Variants in C9orf78 observed in about 807,000 individuals in gnomAD.
The protein encoded by C9orf78 is splicing factor C9orf78.
In C9orf78, 19 loss-of-function variants were observed where a neutral mutation model predicts 37.4. The ratio of observed to expected loss-of-function variants is 0.51; its 90% CI spans 0.35 to 0.74. C9orf78 has a LOEUF of 0.74. Ranked by LOEUF, C9orf78 falls within the 30% of genes least tolerant of loss-of-function variation. The pLI, the probability that C9orf78 is intolerant of heterozygous loss-of-function variation, is 0.01. For missense variants in C9orf78, 291 were observed against 370.8 expected, an observed-to-expected ratio of 0.78 and a Z score of 1.77; for synonymous variants, 130 against 128.0, an observed-to-expected ratio of 1.02 and a Z score of -0.10.
intron 4 of C9orf78, among the ~76,000 whole-genome samples, chr9:129,833,017 A>C (rs186220253): frequency 1.3e-5 from 2 of 148,302 alleles, no homozygotes; most frequent in Admixed American, 1.3e-4. Flanking sequence ...GTGTGTGTGT[A>C]TATGTGTATA....
rs758042858 is a variant in C9orf78 at position 129,829,283 on chromosome 9, C to T, written c.700G>A (p.Ala234Thr). The change falls in exon 8 of 9, where the codon GCG becomes ACG. Residue 234 changes from alanine (A) to threonine (T), a missense_variant. By Grantham distance (58) the Ala-to-Thr change is moderately conservative. Around this residue, in one of 3 missense-constraint regions of C9orf78, gnomAD observed 120 missense variants for 148.7 expected, o/e 0.81. Coordinates refer to ENST00000372447, the MANE Select transcript of C9orf78 (RefSeq NM_016520.3). ...HNRFYHEELN[A>T]PIRRNKEEPK... The stretch of plus-strand genomic sequence containing the variant: ...TCTTCTTTGTTTCTCCGTATGGGCG[C>T]GTTGAGCTCCTCATGATAAACTGGA... 60 of 1,608,910 alleles carry T rather than the reference C, an allele frequency of 3.7e-5. No homozygotes were observed. Among genetic ancestry groups the T allele is most frequent in the East Asian group, 3.3e-4 (15 of 44,826 alleles).
intron 4 of C9orf78, 110 bp from the exon 5 acceptor site, chr9:129,832,083 C>T (rs2062800): frequency 0.26 from 156,318 of 605,348 alleles, 20,061 homozygotes; most frequent in South Asian, 0.3. Flanking sequence ...ATCCTATTTA[C>T]AGTTGGCAAA....
At chr9:129,828,535 T>G in intron 8 of C9orf78, 1 of 268,284 alleles carries the variant, frequency 3.7e-6, no homozygotes. Flanking sequence ...GTGATTCTCC[T>G]GCCTCAGCCT....
At chr9:129,834,244 T>G (rs2131017439) in intron 2 of C9orf78, 1 of 179,584 alleles carries the variant, frequency 5.6e-6, no homozygotes, top group East Asian at 1.7e-4. Context: ...ACATAGAAAG[T>G]TGTTCACAAT....
Position 129,835,167 on chromosome 9 carries a change from C to T in C9orf78, c.55G>A (p.Glu19Lys), listed in dbSNP as rs1235973691. 1 of 1,611,448 alleles carries T rather than the reference C, an allele frequency of 6.2e-7. No homozygotes were observed. The highest frequency in any genetic ancestry group is 2.3e-5 in the East Asian group (1 of 44,416). ...RRRRGDSESEEDEQDSEEVRL... is the reference protein window; with the variant it reads ...RRRRGDSESEKDEQDSEEVRL... ...ACCTCCTCTGAGTCCTGCTCATCTTCCTCTGACTCCGAGTCGCCCCGGCGG... is the reference window on the plus strand; with the variant it reads ...ACCTCCTCTGAGTCCTGCTCATCTTTCTCTGACTCCGAGTCGCCCCGGCGG... The change falls in exon 1 of 9, where the codon GAA (glutamate) becomes AAA (lysine). Residue 19 changes from glutamate (E) to lysine (K), a missense_variant. Coordinates refer to ENST00000372447, the MANE Select transcript of C9orf78 (RefSeq NM_016520.3).
At position 129,829,317 on chromosome 9, in the gene C9orf78, G is replaced by A. The variant is rs1007823265; in HGVS notation, c.680-14C>T. 3.1e-6 allele frequency: 5 copies of A among 1,601,930 alleles called. No homozygotes were observed. The African/African-American group carries it at 5.4e-5, about 17-fold the overall frequency. ...CCTCATGATAAACTGGACCCAAAGAGACCAGGGGACACGTTAGAACATGAG... is the reference window on the plus strand; with the variant it reads ...CCTCATGATAAACTGGACCCAAAGAAACCAGGGGACACGTTAGAACATGAG... On this transcript the variant is annotated splice_polypyrimidine_tract_variant and intron_variant, in intron 7 of 8. Coordinates refer to ENST00000372447, the MANE Select transcript of C9orf78 (RefSeq NM_016520.3).
rs2031673311 is a variant in C9orf78, at chr9:129,834,997, T to C, written c.83+142A>G. 2.6e-5 allele frequency: 20 copies of C among 757,384 alleles called. No individual in the cohort carries two copies. In the South Asian group the frequency reaches 2.8e-4, roughly 11 times the overall value. 46.9% of individuals were successfully genotyped at this position (757,384 alleles called of 1,614,324 possible). On this transcript the variant is annotated intron_variant, in intron 1 of 8. Transcript: ENST00000372447. ...GAGCTTGGGGCGGTGGCCTCACCCC[T>C]TGAGCCTCAATTTCTGCGTCCGCAG...
chr9:129,833,356 T>C, intron 4 of C9orf78, 91 bp downstream of exon 4: 1 of 744,274 alleles, frequency 1.3e-6, no homozygotes, highest in Non-Finnish European at 2.4e-6. Flanking sequence ...GTCCTACTAA[T>C]GCTGCTGCTA....
chr9:129,827,363 C>G lies in C9orf78; in HGVS notation c.*798G>C, dbSNP rs1049856102. 10 of 151,444 alleles carry G rather than the reference C, an allele frequency of 6.6e-5. No individual in the cohort carries two copies. The highest frequency in any genetic ancestry group is 2.2e-4 in the African/African-American group (9 of 41,154). The allele number at this position is 151,444 out of a possible 1,614,324, so 9.4% of individuals were successfully genotyped here. A position where few individuals can be genotyped will look rare whatever the true frequency, so the allele number is the denominator to read the frequency against. On this transcript the variant is annotated 3_prime_UTR_variant, in exon 9 of 9. Coordinates refer to ENST00000372447, the MANE Select transcript of C9orf78 (RefSeq NM_016520.3). ...GTTTATGCTTTTTTTTTAATGAAAA[C>G]AAACAAGTAATTTTGTAAAAGTCAG...
intron 8 of C9orf78, 187 bp downstream of exon 8, chr9:129,829,018 G>A (rs2031417207): frequency 1.5e-6 from 1 of 686,086 alleles, no homozygotes; most frequent in Non-Finnish European, 2.7e-6. Context: ...GGTTCTATTA[G>A]GATTCCAATG....
rs1275920507 is a variant in C9orf78, at chr9:129,829,257, CTCT to C, written c.723_725del (p.Glu242del). On this transcript the variant is annotated inframe_deletion, in exon 8 of 9. Transcript: ENST00000372447. ...CTACTCTCAAGGGCCGGGCCTTGGG[CTCT>C]TCTTTGTTTCTCCGTATGGGCGCGT... 6.2e-7 allele frequency: 1 copy of C among 1,612,568 alleles called. No homozygotes were observed. The highest frequency in any genetic ancestry group is 1.7e-5 in the Admixed American group (1 of 59,626).
intron 8 of C9orf78, 108 bp from the exon 9 acceptor site, chr9:129,828,360 C>A (rs937535841): frequency 1.4e-6 from 1 of 710,974 alleles, no homozygotes; most frequent in African/African-American, 1.8e-5. Context: ...CACAGGAGCC[C>A]CAGCGCCTAA....
At chr9:129,834,981 G>A (rs1014493092) in intron 1 of C9orf78, 158 bp downstream of exon 1, 2 of 692,108 alleles carry the variant, frequency 2.9e-6, no homozygotes, top group Middle Eastern at 2.5e-4. Flanking sequence ...CGAGCTTGGG[G>A]CGGTGGCCTC....
rs757234139 is a variant in C9orf78, at chr9:129,835,253, G to C, written c.-32C>G. 2 of 1,539,202 alleles carry C rather than the reference G, an allele frequency of 1.3e-6. No homozygotes were observed. The highest frequency in any genetic ancestry group is 1.4e-5 in the African/African-American group (1 of 72,322). On this transcript the variant is annotated 5_prime_UTR_variant, in exon 1 of 9. Coordinates refer to ENST00000372447, the MANE Select transcript of C9orf78 (RefSeq NM_016520.3). ...AACGGCCGAGTTGTACAGCCGCCGC[G>C]CCTCTGCGCAGCGGCCCAGGCTGCT...
chr9:129,832,324 G>A (rs181906772), intron 4 of C9orf78, among the ~76,000 whole-genome samples: 3 of 152,276 alleles, frequency 2.0e-5, no homozygotes, highest in Non-Finnish European at 4.4e-5. Context: ...ACTACCATCT[G>A]CTTTAAATCA....
chr9:129,829,033 A>G (rs752840133), intron 8 of C9orf78, 172 bp downstream of exon 8: 27 of 695,556 alleles, frequency 3.9e-5, no homozygotes, highest in South Asian at 2.4e-4. Context: ...CCAATGAGGA[A>G]ACTGAGGCTT....
chr9:129,834,163 G>A (rs1267884509), intron 2 of C9orf78: 1 of 187,590 alleles, frequency 5.3e-6, no homozygotes, highest in African/African-American at 2.4e-5. Flanking sequence ...AAGGCTTTCT[G>A]AAAAATATTC....
intron 5 of C9orf78, 68 bp from the exon 6 acceptor site, chr9:129,831,136 T>G (rs1386726652): frequency 1.0e-6 from 1 of 976,834 alleles, no homozygotes; most frequent in African/African-American, 1.6e-5. Context: ...TCTAAATCAG[T>G]GGTCCCCAAC....
chr9:129,832,532 G>A (rs188203352), intron 4 of C9orf78, among the ~76,000 whole-genome samples: 28 of 149,966 alleles, frequency 1.9e-4, no homozygotes, highest in Non-Finnish European at 3.9e-4. Flanking sequence ...TCTGCCTCCC[G>A]AGTTCAAGCA....
Sources: allele counts gnomAD v4.1 joint callset (sites outside exome capture counted in the v4.1 genomes callset), GRCh38; gene constraint gnomAD v4.1.1; regional missense constraint gnomAD v4.1.1; transcripts MANE v1.5; gene names NCBI Gene and HGNC (gene_info 2026-07-23, HGNC 2026-07-21).